The following NOD2 variants were observed in gnomAD, a reference collection of about 807,000 sequenced individuals.
NOD2 encodes the protein nucleotide-binding oligomerization domain-containing protein 2.
NOD2 carries 86 observed loss-of-function variants against 90.9 expected under a neutral mutation model. The observed-to-expected ratio is 0.95, with a 90% CI of 0.79 to 1.13. The LOEUF (loss-of-function observed/expected upper bound fraction) is 1.13. Ranked by LOEUF, NOD2 falls within the 50% of genes most tolerant of loss-of-function variation. NOD2 has a pLI of 0.00. For missense variants in NOD2, 1,238 were observed against 1,283.8 expected (o/e 0.96, Z 0.55); for synonymous variants, 581 against 554.6 (o/e 1.05, Z -0.67).
At chr16:50,719,813 C>G (rs1964962278) in intron 6 of NOD2, 112 bp from the exon 7 acceptor site, 6 of 949,306 alleles carry the variant, frequency 6.3e-6, no homozygotes, top group Non-Finnish European at 1.0e-5. Flanking sequence ...GCTGCTGCCT[C>G]CCGGGCAGGT....
Position 50,699,472 on chromosome 16 carries a change from T to G in NOD2, c.-8-16T>G. The G allele has an allele frequency of 6.2e-7, 1 of 1,610,842 alleles. No homozygotes were observed. Among genetic ancestry groups the G allele is most frequent in the East Asian group, 2.2e-5 (1 of 44,850 alleles). The stretch of plus-strand genomic sequence containing the variant: ...CTTCTGGAGAAGTCCCGCACTGACC[T>G]TGTTCTCCTCCCCAGGTTGTGAAAT... On this transcript the variant is annotated splice_polypyrimidine_tract_variant and intron_variant, in intron 1 of 11. Transcript: ENST00000647318.
chr16:50,727,865 C>T, intron 10 of NOD2: 1 of 356,254 alleles, frequency 2.8e-6, no homozygotes. Flanking sequence ...GGGGATCAGA[C>T]TAGCAGCAGA....
chr16:50,700,380 TC>T (rs1963887009), intron 2 of NOD2, among the ~76,000 whole-genome samples: 1 of 152,152 alleles, frequency 6.6e-6, no homozygotes, highest in Non-Finnish European at 1.5e-5. Context: ...CGCCTTGGCC[TC>T]CCAAACTGTT....
chr16:50,711,034 C>A lies in NOD2; in HGVS notation c.1042C>A (p.Leu348Met). 6.2e-7 allele frequency: 1 copy of A among 1,614,234 alleles called. No individual in the cohort carries two copies. Among genetic ancestry groups the A allele is most frequent in the Non-Finnish European group, 8.5e-7 (1 of 1,180,050 alleles). Residue 348 changes from leucine (L) to methionine (M), a missense_variant, in exon 4 of 12, where the codon CTG becomes ATG. By Grantham distance (15) the Leu-to-Met change is conservative. This residue lies in a region of NOD2 where 567 missense variants were observed against 577.3 expected (regional missense o/e 0.98). Coordinates refer to ENST00000647318, the MANE Select transcript of NOD2 (RefSeq NM_001370466.1). ...QLLLDHPDRV[L>M]LTFDGFDEFK... ...ACTCCTTGACCACCCTGACCGTGTC[C>A]TGTTAACCTTTGATGGCTTTGACGA...
intron 4 of NOD2, among the ~76,000 whole-genome samples, chr16:50,715,923 C>T (rs1964771652): frequency 6.6e-6 from 1 of 152,188 alleles, no homozygotes; most frequent in African/African-American, 2.4e-5. Flanking sequence ...TGATTGCCAG[C>T]TCCAGGGTAT....
intron 1 of NOD2, among the ~76,000 whole-genome samples, chr16:50,699,094 A>AT (rs1244634877): frequency 2.6e-5 from 4 of 151,916 alleles, no homozygotes; most frequent in African/African-American, 9.7e-5. Context: ...CGCCTGGCTA[A>AT]TTTTTGTATT....
intron 3 of NOD2, among the ~76,000 whole-genome samples, chr16:50,708,377 G>T (rs948212030): frequency 6.6e-6 from 1 of 152,182 alleles, no homozygotes; most frequent in Admixed American, 6.5e-5. Flanking sequence ...AGAGACTCTG[G>T]TATCCCTCAG....
At chr16:50,702,479 G>T (rs1162182907) in intron 2 of NOD2, among the ~76,000 whole-genome samples, 1 of 152,138 alleles carries the variant, frequency 6.6e-6, no homozygotes, top group East Asian at 1.9e-4. Flanking sequence ...TTCCCTTAGT[G>T]GCCTTACTGA....
At chr16:50,702,204 G>A (rs1375047252) in intron 2 of NOD2, among the ~76,000 whole-genome samples, 2 of 152,206 alleles carry the variant, frequency 1.3e-5, no homozygotes, top group Admixed American at 6.5e-5. Context: ...AAAGTGCTGG[G>A]ATTACAGGCA....
chr16:50,722,505 T>C (rs1965103648), intron 7 of NOD2, 117 bp from the exon 8 acceptor site: 1 of 984,410 alleles, frequency 1.0e-6, no homozygotes, highest in Admixed American at 1.7e-5. Flanking sequence ...CACTCTGGGA[T>C]TGAGTGGTCC....
intron 1 of NOD2, among the ~76,000 whole-genome samples, chr16:50,698,392 G>T (rs532473641): frequency 4.6e-5 from 7 of 152,366 alleles, no homozygotes; most frequent in African/African-American, 1.7e-4. Flanking sequence ...TAGGGCAAGT[G>T]TGTGTGGGAA....
Position 50,699,826 on chromosome 16 carries a change from C to T in NOD2, c.331C>T (p.Arg111Trp), listed in dbSNP as rs184502667. ...LHPARDLQSHRPAIVRRLHSH... is the reference protein window; with the variant it reads ...LHPARDLQSHWPAIVRRLHSH... ...CCCAGCCCGAGACCTGCAGAGTCAC[C>T]GGCCAGCCATTGTCAGGAGGCTCCA... Residue 111 changes from arginine to tryptophan, a missense_variant, in exon 2 of 12, where the codon CGG becomes TGG. This residue lies in a region of NOD2 where 567 missense variants were observed against 577.3 expected (regional missense o/e 0.98). Coordinates refer to ENST00000647318, the MANE Select transcript of NOD2 (RefSeq NM_001370466.1). 1.5e-5 allele frequency: 24 copies of T among 1,613,394 alleles called. 1 individual carries two copies. Among genetic ancestry groups the T allele is most frequent in the Admixed American group, 8.3e-5 (5 of 60,012 alleles).
intron 3 of NOD2, 53 bp downstream of exon 3, chr16:50,708,013 C>T: frequency 1.6e-6 from 2 of 1,256,124 alleles, no homozygotes; most frequent in Non-Finnish European, 1.2e-6. Flanking sequence ...AGTGCAGATC[C>T]ATGGTTAAGA....
At chr16:50,719,832 C>A in intron 6 of NOD2, 93 bp from the exon 7 acceptor site, 1 of 1,201,226 alleles carries the variant, frequency 8.3e-7, no homozygotes, top group Non-Finnish European at 1.2e-6. Context: ...GTCTTCAATG[C>A]TTTCTTCCTG....
At chr16:50,727,307 A>G (rs1205486546) in intron 10 of NOD2, 1 of 157,648 alleles carries the variant, frequency 6.3e-6, no homozygotes, top group Non-Finnish European at 1.4e-5. Flanking sequence ...CTGGACCTTC[A>G]TTATAGGCCA....
At chr16:50,694,915 G>A (rs190253946) in intron 1 of NOD2, among the ~76,000 whole-genome samples, 42 of 152,244 alleles carry the variant, frequency 2.8e-4, no homozygotes, top group African/African-American at 5.5e-4. Context: ...TGGGAAGCAG[G>A]ATGGGGTGCT....
chr16:50,713,210 C>G (rs1014778673), intron 4 of NOD2: 3 of 152,254 alleles, frequency 2.0e-5, no homozygotes, highest in Admixed American at 6.5e-5. Flanking sequence ...TATTTAGAAC[C>G]TATAGGAAAG....
rs1480551082 is a variant in NOD2, at chr16:50,711,003, C to T, written c.1011C>T (p.Phe337=). Reference sequence around the variant, plus strand: ...CTGATGTTGGTCAAGAAGACATCTTCCAGTTACTCCTTGACCACCCTGACC... The same window carrying T: ...CTGATGTTGGTCAAGAAGACATCTTTCAGTTACTCCTTGACCACCCTGACC... ...CWPDVGQEDI[F]QLLLDHPDRV... The change falls in exon 4 of 12, where the codon TTC becomes TTT. Residue 337 remains phenylalanine (F), a synonymous_variant. Transcript: ENST00000647318. The T allele has an allele frequency of 1.9e-6, 3 of 1,614,232 alleles. No homozygotes were observed. Among genetic ancestry groups the T allele is most frequent in the East Asian group, 2.2e-5 (1 of 44,882 alleles).
chr16:50,716,379 G>A (rs531873148), intron 4 of NOD2, among the ~76,000 whole-genome samples: 2 of 152,220 alleles, frequency 1.3e-5, no homozygotes, highest in East Asian at 1.9e-4. Flanking sequence ...CTACGTCCTG[G>A]GCCATCCCCA....
Sources: allele counts gnomAD v4.1 joint callset (sites outside exome capture counted in the v4.1 genomes callset), GRCh38; gene constraint gnomAD v4.1.1; regional missense constraint gnomAD v4.1.1; transcripts MANE v1.5; gene names NCBI Gene and HGNC (gene_info 2026-07-23, HGNC 2026-07-21).